The following SMPD3 variants were observed in gnomAD, a reference collection of about 807,000 sequenced individuals.
The protein encoded by SMPD3 is nSMase-2.
SMPD3 carries 21 observed loss-of-function variants against 55.7 expected under a neutral mutation model. The observed-to-expected ratio is 0.38, with a 90% CI of 0.27 to 0.54. The LOEUF is 0.54. Ranked by LOEUF, SMPD3 falls within the 20% of genes least tolerant of loss-of-function variation. SMPD3 has a pLI of 0.80. For missense variants in SMPD3, 842 were observed against 899.6 expected (o/e 0.94, Z 0.82); for synonymous variants, 457 against 404.3 (o/e 1.13, Z -1.56).
chr16:68,390,272 GT>G (rs1191000111), intron 1 of SMPD3, among the ~76,000 whole-genome samples: 5 of 152,220 alleles, frequency 3.3e-5, no homozygotes, highest in Non-Finnish European at 7.3e-5. Context: ...CTTTTGGCAG[GT>G]TTTGGCTAGC....
chr16:68,376,911 A>C (rs1220965602), intron 2 of SMPD3, among the ~76,000 whole-genome samples: 1 of 152,162 alleles, frequency 6.6e-6, no homozygotes, highest in Non-Finnish European at 1.5e-5. Flanking sequence ...TCCCAGGATG[A>C]TCATAAGGAC....
In SMPD3 at chr16:68,447,800, G is replaced by C. The variant is rs2090622021; in HGVS notation, c.-269+553C>G. 6.6e-6 allele frequency among the ~76,000 whole-genome samples: 1 copy of C among 152,102 alleles called. No homozygotes were observed. Among genetic ancestry groups the C allele is most frequent in the African/African-American group, 2.4e-5 (1 of 41,424 alleles). ...CAAAACCCTAGGGCCAAGGGAGGAG[G>C]GGGGAATAGGGAGGGGGGCGAGTGT... On this transcript the variant is annotated intron_variant, in intron 1 of 8. Coordinates refer to ENST00000219334, the MANE Select transcript of SMPD3 (RefSeq NM_018667.4). The surrounding 1 kb of genome is among the most constrained non-coding windows in gnomAD (Gnocchi z 5.1).
chr16:68,428,361 G>C lies in SMPD3; in HGVS notation c.-269+19992C>G, dbSNP rs944210027. On this transcript the variant is annotated intron_variant, in intron 1 of 8. Transcript: ENST00000219334. ...CGCTTTGAACAGAAGAGCCACACAG[G>C]CTGCCTCAAACAGCCACTCCACCCT... Among the ~76,000 whole-genome samples the C allele has an allele frequency of 1.2e-4, 18 of 152,160 alleles. 1 individual carries two copies. The highest frequency in any genetic ancestry group is 4.1e-4 in the African/African-American group (17 of 41,456).
intron 3 of SMPD3, among the ~76,000 whole-genome samples, chr16:68,366,852 A>G (rs1434036102): frequency 6.6e-6 from 1 of 152,178 alleles, no homozygotes; most frequent in Non-Finnish European, 1.5e-5. Flanking sequence ...TACTAAAAAT[A>G]CAAAAATTAG....
At chr16:68,361,830 GAGCCAT>G in intron 7 of SMPD3, 71 bp from the exon 8 acceptor site, 1 of 1,487,146 alleles carries the variant, frequency 6.7e-7, no homozygotes, top group Non-Finnish European at 9.1e-7. Flanking sequence ...GCTGTGTGTG[GAGCCAT>G]GGTCTCCTCC....
At chr16:68,409,232 G>A (rs1001328029) in intron 1 of SMPD3, among the ~76,000 whole-genome samples, 3 of 152,194 alleles carry the variant, frequency 2.0e-5, no homozygotes, top group African/African-American at 7.2e-5. Context: ...TCGAAACCTT[G>A]CCCGGAGGGC....
At chr16:68,403,013 G>A (rs1308532002) in intron 1 of SMPD3, among the ~76,000 whole-genome samples, 1 of 152,202 alleles carries the variant, frequency 6.6e-6, no homozygotes, top group Non-Finnish European at 1.5e-5. Flanking sequence ...CACTGTGTCA[G>A]GGTGCAGCAC....
At chr16:68,442,007 C>A (rs1382275147) in intron 1 of SMPD3, among the ~76,000 whole-genome samples, 1 of 152,196 alleles carries the variant, frequency 6.6e-6, no homozygotes, top group Non-Finnish European at 1.5e-5. Flanking sequence ...CTCAAGCAAG[C>A]CTCCTGCCTC....
At chr16:68,408,834 C>T (rs2090273368) in intron 1 of SMPD3, among the ~76,000 whole-genome samples, 1 of 152,220 alleles carries the variant, frequency 6.6e-6, no homozygotes, top group African/African-American at 2.4e-5. Flanking sequence ...GATACCACTA[C>T]TGCCAGTGTT....
At position 68,382,771 on chromosome 16, in the gene SMPD3, C is replaced by A. The variant is rs747933845; in HGVS notation, c.-207+3827G>T. Reference sequence around the variant, plus strand: ...CTCCAGGAGGGGCAGCTGGGGAACACGGGCCTGAGGGGAGGATCCCCTGCA... The same window carrying A: ...CTCCAGGAGGGGCAGCTGGGGAACAAGGGCCTGAGGGGAGGATCCCCTGCA... On this transcript the variant is annotated intron_variant, in intron 2 of 8. Coordinates refer to ENST00000219334, the MANE Select transcript of SMPD3 (RefSeq NM_018667.4). Among the ~76,000 whole-genome samples, 15 of 152,196 alleles carry A rather than the reference C, an allele frequency of 9.9e-5. 1 individual carries two copies. Among genetic ancestry groups the A allele is most frequent in the Non-Finnish European group, 2.1e-4 (14 of 68,030 alleles).
chr16:68,403,705 A>G (rs978195703), intron 1 of SMPD3, among the ~76,000 whole-genome samples: 2 of 152,252 alleles, frequency 1.3e-5, no homozygotes, highest in Non-Finnish European at 2.9e-5. Flanking sequence ...AATGAAATGA[A>G]TTAGAATGGA....
In SMPD3 at chr16:68,364,968, A is replaced by G. The variant is rs901680522; in HGVS notation, c.1399+49T>C. The G allele has an allele frequency of 2.5e-6, 4 of 1,613,884 alleles. No homozygotes were observed. In the African/African-American group the frequency reaches 4.0e-5, roughly 16 times the overall value. On this transcript the variant is annotated intron_variant, in intron 4 of 8. Transcript: ENST00000219334. ...TCGCCCCAGACCCCAGCTAGGCCCC[A>G]GGCACTGATCCCATGCCTAGAAAAA...
chr16:68,417,457 A>G (rs2090348610), intron 1 of SMPD3, among the ~76,000 whole-genome samples: 1 of 152,084 alleles, frequency 6.6e-6, no homozygotes, highest in Non-Finnish European at 1.5e-5. Flanking sequence ...AGCCCCCTCA[A>G]TTGTTCTACT....
chr16:68,399,192 G>C (rs1024271835), intron 1 of SMPD3, among the ~76,000 whole-genome samples: 1 of 152,298 alleles, frequency 6.6e-6, no homozygotes, highest in Admixed American at 6.5e-5. Flanking sequence ...GGGCTTGGGG[G>C]GAGGTCACTT....
rs1276691936 is a variant in SMPD3, at chr16:68,371,429, C to T, written c.753G>A (p.Glu251=). 2 of 1,576,366 alleles carry T rather than the reference C, an allele frequency of 1.3e-6. No homozygotes were observed. The highest frequency in any genetic ancestry group is 1.8e-5 in the Admixed American group (1 of 55,858). ...DACIVRIGGE[E]GGRPPEADDP... ...CGTCAGCTTCAGGTGGCCGGCCGCC[C>T]TCCTCGCCACCGATGCGCACGATGC... The change falls in exon 3 of 9, where the codon GAG becomes GAA. Residue 251 remains glutamate (E), a synonymous_variant. Coordinates refer to ENST00000219334, the MANE Select transcript of SMPD3 (RefSeq NM_018667.4).
intron 1 of SMPD3, among the ~76,000 whole-genome samples, chr16:68,422,639 G>A (rs2152025170): frequency 6.6e-6 from 1 of 152,286 alleles, no homozygotes; most frequent in African/African-American, 2.4e-5. Flanking sequence ...CTGAGGGTTT[G>A]GAGAAAAGGG....
At chr16:68,369,291 A>C (rs1476919942) in intron 3 of SMPD3, 1 of 152,056 alleles carries the variant, frequency 6.6e-6, no homozygotes, top group South Asian at 2.1e-4. Flanking sequence ...TTTGAGACCC[A>C]GGAGGTAGAG....
At position 68,361,145 on chromosome 16, in the gene SMPD3, C is replaced by T; in HGVS notation, c.*61G>A. ...AGCACCGGGCACTCGATGGAGGGGACATGGCCCAGGGATGGGCTGCAGCTG... is the reference window on the plus strand; with the variant it reads ...AGCACCGGGCACTCGATGGAGGGGATATGGCCCAGGGATGGGCTGCAGCTG... On this transcript the variant is annotated 3_prime_UTR_variant, in exon 9 of 9. Transcript: ENST00000219334. 1 of 1,491,966 alleles carries T rather than the reference C, an allele frequency of 6.7e-7. No individual in the cohort carries two copies. The highest frequency in any genetic ancestry group is 9.3e-7 in the Non-Finnish European group (1 of 1,081,056). The allele number at this position is 1,491,966 out of a possible 1,614,324, so 92.4% of individuals were successfully genotyped here.
intron 1 of SMPD3, among the ~76,000 whole-genome samples, chr16:68,401,592 C>T (rs1215774071): frequency 1.3e-5 from 2 of 152,008 alleles, no homozygotes; most frequent in Non-Finnish European, 2.9e-5. Context: ...CTCCCTGAAT[C>T]CTGGCCTTGC....
Sources: gnomAD v4.1 joint callset for allele counts (sites outside exome capture counted in the v4.1 genomes callset) on GRCh38, gnomAD v4.1.1 for gene constraint, Gnocchi (gnomAD v3.1) non-coding constraint, MANE v1.5 for transcripts, NCBI Gene and HGNC (gene_info 2026-07-23, HGNC 2026-07-21) for gene names.